The following DNAJC24 variants were observed in gnomAD, a reference collection of about 807,000 sequenced individuals.
DNAJC24 encodes the protein dnaJ homolog subfamily C member 24.
A neutral mutation model predicts 18.0 loss-of-function variants in DNAJC24; 17 were observed. That is an observed-to-expected ratio of 0.94 (90% CI 0.65 to 1.42). The LOEUF is 1.42. Among genes scored for constraint, DNAJC24 ranks in the 40% most tolerant of loss-of-function variants. The pLI is 0.00. For synonymous variants in DNAJC24, 55 were observed against 57.7 expected (o/e 0.95, Z 0.21); for missense variants, 158 against 175.6 (o/e 0.90, Z 0.57).
intron 2 of DNAJC24, among the ~76,000 whole-genome samples, chr11:31,409,549 C>T (rs1952686427): frequency 6.6e-6 from 1 of 152,100 alleles, no homozygotes; most frequent in South Asian, 2.1e-4. Context: ...ATTTTAGATA[C>T]TCATTTGTGT....
chr11:31,408,886 A>G (rs1952679391), intron 2 of DNAJC24, among the ~76,000 whole-genome samples: 1 of 152,170 alleles, frequency 6.6e-6, no homozygotes, highest in African/African-American at 2.4e-5. Context: ...AAATTTTGGA[A>G]ATAGATGTCT....
In DNAJC24 at chr11:31,432,555, C is replaced by T. The variant is rs1480839716; in HGVS notation, c.*2154C>T. 4 of 1,611,624 alleles carry T rather than the reference C, an allele frequency of 2.5e-6. No homozygotes were observed. The highest frequency in any genetic ancestry group is 3.4e-6 in the Non-Finnish European group (4 of 1,178,044). On this transcript the variant is annotated 3_prime_UTR_variant, in exon 5 of 5. Coordinates refer to ENST00000465995, the MANE Select transcript of DNAJC24 (RefSeq NM_181706.5). Reference sequence around the variant, plus strand: ...GCTGGCACGTAAAAATCCAAAATCACTCAGAGGCCAAATCTGTAAAATCAA... The same window carrying T: ...GCTGGCACGTAAAAATCCAAAATCATTCAGAGGCCAAATCTGTAAAATCAA...
chr11:31,408,285 G>C (rs1229244696), intron 2 of DNAJC24: 1 of 435,978 alleles, frequency 2.3e-6, no homozygotes, highest in East Asian at 7.0e-5. Flanking sequence ...TGCTTGGAGA[G>C]CTTGGTGAAA....
chr11:31,402,807 G>A (rs983991431), intron 2 of DNAJC24, among the ~76,000 whole-genome samples: 1 of 152,156 alleles, frequency 6.6e-6, no homozygotes, highest in African/African-American at 2.4e-5. Context: ...GCCACACCTG[G>A]TTCCACTTTA....
intron 2 of DNAJC24, among the ~76,000 whole-genome samples, chr11:31,394,169 A>G (rs1393387251): frequency 6.6e-6 from 1 of 152,156 alleles, no homozygotes; most frequent in East Asian, 1.9e-4. Flanking sequence ...CACTTACTAC[A>G]CTAATTGGGA....
intron 3 of DNAJC24, 55 bp from the exon 4 acceptor site, chr11:31,426,232 G>A (rs1952859806): frequency 8.6e-7 from 1 of 1,164,000 alleles, no homozygotes; most frequent in South Asian, 1.4e-5. Flanking sequence ...ATTCTTCAAG[G>A]TTACAATTAA....
intron 4 of DNAJC24, chr11:31,429,422 GT>G: frequency 2.8e-6 from 1 of 359,728 alleles, no homozygotes; most frequent in Non-Finnish European, 6.1e-6. Context: ...ACTTATTTAT[GT>G]AATAATCAAT....
chr11:31,420,588 C>A (rs1239045482), intron 3 of DNAJC24, among the ~76,000 whole-genome samples: 1 of 152,106 alleles, frequency 6.6e-6, no homozygotes, highest in East Asian at 1.9e-4. Context: ...GAGATAACAG[C>A]AGTTTAAAAA....
rs776131521 is a variant in DNAJC24 at position 31,370,875 on chromosome 11, C to T, written c.111+16C>T. ...CATATTAATGGTAAGTCTTTTCTTTCAGATTTTAAATCATGAGGGGAAAAA... is the reference window on the plus strand; with the variant it reads ...CATATTAATGGTAAGTCTTTTCTTTTAGATTTTAAATCATGAGGGGAAAAA... On this transcript the variant is annotated intron_variant, in intron 2 of 4. Transcript: ENST00000465995. 1 of 1,511,542 alleles carries T rather than the reference C, an allele frequency of 6.6e-7. No individual in the cohort carries two copies. The highest frequency in any genetic ancestry group is 2.0e-5 in the Admixed American group (1 of 51,068). 93.6% of individuals were successfully genotyped at this position (1,511,542 alleles called of 1,614,324 possible). A position where few individuals can be genotyped will look rare whatever the true frequency, so the allele number is the denominator to read the frequency against.
intron 3 of DNAJC24, chr11:31,417,283 T>A (rs1170194253): frequency 1.3e-5 from 2 of 152,104 alleles, no homozygotes; most frequent in Non-Finnish European, 2.9e-5. Context: ...TTTTTAAGCC[T>A]TTCATACCAG....
At chr11:31,401,049 C>G (rs1042327999) in intron 2 of DNAJC24, among the ~76,000 whole-genome samples, 6 of 151,904 alleles carry the variant, frequency 3.9e-5, no homozygotes, top group Admixed American at 3.9e-4. Flanking sequence ...ACAAACAGCC[C>G]CATCAAAAAG....
At chr11:31,389,665 G>C (rs905530052) in intron 2 of DNAJC24, among the ~76,000 whole-genome samples, 1 of 152,144 alleles carries the variant, frequency 6.6e-6, no homozygotes, top group East Asian at 1.9e-4. Flanking sequence ...GGACCTACCT[G>C]ATAGATATTT....
intron 2 of DNAJC24, chr11:31,408,266 CG>C: frequency 2.2e-6 from 1 of 451,490 alleles, no homozygotes; most frequent in Admixed American, 2.4e-5. Flanking sequence ...TTTTAGCACG[CG>C]TAACAGTTGC....
intron 3 of DNAJC24, among the ~76,000 whole-genome samples, chr11:31,418,627 A>G (rs1010486335): frequency 6.6e-6 from 1 of 152,162 alleles, no homozygotes; most frequent in Non-Finnish European, 1.5e-5. Flanking sequence ...ATTATTTTAT[A>G]TTAAGATATA....
At chr11:31,389,339 C>G (rs1249381088) in intron 2 of DNAJC24, among the ~76,000 whole-genome samples, 3 of 151,170 alleles carry the variant, frequency 2.0e-5, no homozygotes, top group Admixed American at 2.0e-4. Flanking sequence ...AACAAACAAA[C>G]AAAAAAAGAG....
chr11:31,386,877 G>A (rs1481370989), intron 2 of DNAJC24, among the ~76,000 whole-genome samples: 1 of 152,136 alleles, frequency 6.6e-6, no homozygotes, highest in Non-Finnish European at 1.5e-5. Context: ...GCCCTGAAGG[G>A]AGAGACCCCG....
chr11:31,406,100 T>C (rs75286481), intron 2 of DNAJC24, among the ~76,000 whole-genome samples: 2 of 149,834 alleles, frequency 1.3e-5, no homozygotes, highest in African/African-American at 2.4e-5. Flanking sequence ...CTACAAATCC[T>C]TTTTTTTTTC....
chr11:31,432,214 TAC>T lies in DNAJC24; in HGVS notation c.*1814_*1815del, dbSNP rs1286680444. Among the ~76,000 whole-genome samples, 1 of 152,224 alleles carries T rather than the reference TAC, an allele frequency of 6.6e-6. No individual in the cohort carries two copies. Among genetic ancestry groups the T allele is most frequent in the African/African-American group, 2.4e-5 (1 of 41,462 alleles). On this transcript the variant is annotated 3_prime_UTR_variant, in exon 5 of 5. Transcript: ENST00000465995. ...TAAGAAGAATAGATTAGTTTCATTATACCTATAAGAACAAGAATTCAAAAGTG... is the reference window on the plus strand; with the variant it reads ...TAAGAAGAATAGATTAGTTTCATTATCTATAAGAACAAGAATTCAAAAGTG...
At chr11:31,419,519 G>GT (rs566982677) in intron 3 of DNAJC24, among the ~76,000 whole-genome samples, 194 of 152,118 alleles carry the variant, frequency 1.3e-3, no homozygotes, top group Non-Finnish European at 2.0e-3. Context: ...TTGGTTTTGA[G>GT]TAAAAATTTG....
Sources: gnomAD v4.1 joint callset for allele counts (sites outside exome capture counted in the v4.1 genomes callset) on GRCh38, gnomAD v4.1.1 for gene constraint, MANE v1.5 for transcripts, NCBI Gene and HGNC (gene_info 2026-07-23, HGNC 2026-07-21) for gene names.